The following PUM2 variants were observed in gnomAD, a reference collection of about 807,000 sequenced individuals.
The protein encoded by PUM2 is pumilio homolog 2.
PUM2 carries 57 observed loss-of-function variants against 124.5 expected under a neutral mutation model. That is an observed-to-expected ratio of 0.46 (90% CI 0.37 to 0.57). The LOEUF (loss-of-function observed/expected upper bound fraction) is 0.57, where lower values mean the gene tolerates loss of function less well. PUM2 is among the 20% of genes least tolerant of loss of function. The pLI is 0.00. For missense variants in PUM2, 1,065 were observed against 1,290.6 expected, an observed-to-expected ratio of 0.83 and a Z score of 2.68; for synonymous variants, 460 against 446.1, an observed-to-expected ratio of 1.03 and a Z score of -0.39.
chr2:20,268,448 C>A (rs1033313526), intron 13 of PUM2, among the ~76,000 whole-genome samples: 2 of 152,032 alleles, frequency 1.3e-5, no homozygotes, highest in African/African-American at 4.8e-5. Flanking sequence ...CCCATCTCCA[C>A]TATATGTATG....
chr2:20,317,319 C>T (rs1681201494), intron 3 of PUM2, among the ~76,000 whole-genome samples: 1 of 152,180 alleles, frequency 6.6e-6, no homozygotes, highest in Non-Finnish European at 1.5e-5. Flanking sequence ...TAAGTCTCTC[C>T]CCACTACTTA....
In PUM2 at chr2:20,260,373, A is replaced by T; in HGVS notation, c.2319T>A (p.Asp773Glu). 1 of 1,612,660 alleles carries T rather than the reference A, an allele frequency of 6.2e-7. No homozygotes were observed. The highest frequency in any genetic ancestry group is 8.5e-7 in the Non-Finnish European group (1 of 1,179,116). The change falls in exon 15 of 21, where the codon GAT becomes GAA. Residue 773 changes from aspartate to glutamate, a missense_variant. Asp to Glu is a conservative substitution (Grantham distance 45). Coordinates refer to ENST00000361078, the MANE Select transcript of PUM2 (RefSeq NM_015317.5). ...TCTGTATAACATAGTTGCCAAAAACATCAGTCATTAATTGATAGGCTGCTT... is the reference window on the plus strand; with the variant it reads ...TCTGTATAACATAGTTGCCAAAAACTTCAGTCATTAATTGATAGGCTGCTT... ...ILQAAYQLMT[D>E]VFGNYVIQKF...
At chr2:20,317,740 T>C (rs1331603546) in intron 3 of PUM2, among the ~76,000 whole-genome samples, 2 of 152,130 alleles carry the variant, frequency 1.3e-5, no homozygotes, top group African/African-American at 4.8e-5. Context: ...CTATGTCTGT[T>C]GTTCCCCTCT....
intron 13 of PUM2, among the ~76,000 whole-genome samples, chr2:20,274,999 T>C (rs560426356): frequency 1.1e-5 from 1 of 89,636 alleles, no homozygotes; most frequent in East Asian, 4.0e-4. Flanking sequence ...TCCTAGACAA[T>C]GATGTATAAA....
chr2:20,272,718 C>T (rs1004856002), intron 13 of PUM2, among the ~76,000 whole-genome samples: 1 of 152,118 alleles, frequency 6.6e-6, no homozygotes, highest in Non-Finnish European at 1.5e-5. Context: ...TTATTGATAG[C>T]GTTCAATCTT....
chr2:20,264,353 AAAAAAAAAAAAAAAATATAT>A (rs1422471444), intron 13 of PUM2, among the ~76,000 whole-genome samples: 7 of 71,048 alleles, frequency 9.9e-5, no homozygotes, highest in Admixed American at 3.8e-4. Context: ...AAAAAAAAAA[AAAAAAAAAAAAAAAATATAT>A]ATATATATAT....
chr2:20,262,047 A>G (rs1157769724), intron 14 of PUM2, among the ~76,000 whole-genome samples: 1 of 152,150 alleles, frequency 6.6e-6, no homozygotes, highest in African/African-American at 2.4e-5. Flanking sequence ...GTGAGTGATG[A>G]TCATGCTACT....
intron 16 of PUM2, among the ~76,000 whole-genome samples, chr2:20,256,425 A>T (rs1664774528): frequency 6.6e-6 from 1 of 152,196 alleles, no homozygotes; most frequent in South Asian, 2.1e-4. Flanking sequence ...CTGCAGGATT[A>T]TAATGTAAAT....
rs769368090 is a variant in PUM2 at position 20,258,338 on chromosome 2, T to C, written c.2389A>G (p.Thr797Ala). The C allele has an allele frequency of 4.3e-6, 7 of 1,612,400 alleles. No homozygotes were observed. Among genetic ancestry groups the C allele is most frequent in the Non-Finnish European group, 5.9e-6 (7 of 1,178,916 alleles). Reference sequence around the variant, plus strand: ...GGTAGAACATGACCACGAATACGAGTAGCCAGGGCTAATTTTTGATCCAGA... The same window carrying C: ...GGTAGAACATGACCACGAATACGAGCAGCCAGGGCTAATTTTTGATCCAGA... The part of the protein sequence containing the change: ...GSLDQKLALA[T>A]RIRGHVLPLA... Residue 797 changes from threonine to alanine, a missense_variant, in exon 16 of 21, where the codon ACT (threonine) becomes GCT (alanine). By Grantham distance (58) the Thr-to-Ala change is moderately conservative. Transcript: ENST00000361078.
chr2:20,296,874 C>T (rs1462565232), intron 8 of PUM2, among the ~76,000 whole-genome samples: 1 of 152,110 alleles, frequency 6.6e-6, no homozygotes, highest in African/African-American at 2.4e-5. Flanking sequence ...CTTACACAGA[C>T]AATAAATACA....
In PUM2 at chr2:20,278,577, T is replaced by C. The variant is rs773732488; in HGVS notation, c.1957+6A>G. On this transcript the variant is annotated splice_donor_region_variant and intron_variant, in intron 13 of 20. Coordinates refer to ENST00000361078, the MANE Select transcript of PUM2 (RefSeq NM_015317.5). ...CAAATAAAAAGGGTTTTGGTTTTTT[T>C]TTTACCTAAATGCAAACTGGATGAG... is the stretch of plus-strand genomic sequence containing the variant. 52 of 1,595,452 alleles carry C rather than the reference T, an allele frequency of 3.3e-5. No homozygotes were observed. The highest frequency in any genetic ancestry group is 4.3e-5 in the Non-Finnish European group (50 of 1,165,038).
At chr2:20,322,655 T>G (rs184833888) in intron 2 of PUM2, among the ~76,000 whole-genome samples, 299 of 152,090 alleles carry the variant, frequency 2.0e-3, no homozygotes, top group African/African-American at 6.9e-3. Context: ...ATATAAAAAT[T>G]AGCCAGGCGT....
intron 1 of PUM2, among the ~76,000 whole-genome samples, chr2:20,328,228 C>A (rs991038919): frequency 2.0e-5 from 3 of 152,078 alleles, no homozygotes; most frequent in African/African-American, 7.2e-5. Context: ...CCCAGCTATT[C>A]GGGTGGCAGA....
intron 9 of PUM2, among the ~76,000 whole-genome samples, chr2:20,292,417 C>A (rs1674381272): frequency 6.6e-6 from 1 of 151,822 alleles, no homozygotes; most frequent in Admixed American, 6.6e-5. Flanking sequence ...GGCTGGAGTG[C>A]AATGGCATGA....
intron 1 of PUM2, among the ~76,000 whole-genome samples, chr2:20,332,313 G>GTA (rs1244492901): frequency 6.7e-6 from 1 of 150,312 alleles, no homozygotes; most frequent in African/African-American, 2.4e-5. Flanking sequence ...GTGTGTGTGT[G>GTA]TGTGTGTGTT....
At chr2:20,313,907 C>A (rs567448004) in intron 3 of PUM2, among the ~76,000 whole-genome samples, 2 of 147,590 alleles carry the variant, frequency 1.4e-5, no homozygotes, top group East Asian at 4.1e-4. Flanking sequence ...CTTTGACAGA[C>A]TGAGGCGGGT....
intron 2 of PUM2, among the ~76,000 whole-genome samples, chr2:20,321,885 AG>A (rs1037318233): frequency 1.3e-5 from 2 of 152,090 alleles, no homozygotes; most frequent in Non-Finnish European, 2.9e-5. Context: ...TCCTAACTCC[AG>A]TGTTTGAGGG....
chr2:20,331,890 T>G (rs913223786), intron 1 of PUM2: 2 of 152,234 alleles, frequency 1.3e-5, no homozygotes, highest in African/African-American at 2.4e-5. Flanking sequence ...GCAGGCCATA[T>G]GATCTCTGCT....
chr2:20,333,073 G>T (rs1209501772), intron 1 of PUM2: 2 of 152,048 alleles, frequency 1.3e-5, no homozygotes, highest in South Asian at 2.1e-4. Context: ...CCTAGCAAAA[G>T]AAAAGAAATG....
Sources: allele counts gnomAD v4.1 joint callset (sites outside exome capture counted in the v4.1 genomes callset), GRCh38; gene constraint gnomAD v4.1.1; transcripts MANE v1.5; gene names NCBI Gene and HGNC (gene_info 2026-07-23, HGNC 2026-07-21).